Variants in SASH1 observed in about 807,000 individuals in gnomAD.
SASH1 encodes SAM and SH3 domain-containing protein 1.
In SASH1, 44 loss-of-function variants were observed where a neutral mutation model predicts 125.2. The observed-to-expected ratio is 0.35, with a 90% CI of 0.28 to 0.45. SASH1 has a LOEUF of 0.45. Among genes scored for constraint, SASH1 ranks in the 20% least tolerant of loss-of-function variants. The pLI is 1.00. For missense variants in SASH1, 1,426 were observed against 1,614.5 expected, an observed-to-expected ratio of 0.88 and a Z score of 2.00; for synonymous variants, 639 against 649.1, an observed-to-expected ratio of 0.98 and a Z score of 0.24.
chr6:148,393,683 G>T, intron 2 of SASH1: 12 of 984,840 alleles, frequency 1.2e-5, no homozygotes, highest in Non-Finnish European at 1.4e-5. Flanking sequence ...AATTTGGCGT[G>T]CTCTGTTCCA....
At chr6:148,517,237 G>A (rs1487440139) in intron 9 of SASH1, among the ~76,000 whole-genome samples, 2 of 152,196 alleles carry the variant, frequency 1.3e-5, no homozygotes, top group African/African-American at 2.4e-5. Flanking sequence ...GAGGCTCAGA[G>A]CCAGGAAGTA....
chr6:148,343,316 A>G, intron 1 of SASH1, 93 bp downstream of exon 1: 6 of 1,271,378 alleles, frequency 4.7e-6, no homozygotes, highest in Non-Finnish European at 6.6e-6. Flanking sequence ...CCACTGGGCA[A>G]CCCACTCCGC....
chr6:148,373,336 C>T lies in SASH1; in HGVS notation c.157-16798C>T, dbSNP rs538854211. Among the ~76,000 whole-genome samples, 24 of 152,184 alleles carry T rather than the reference C, an allele frequency of 1.6e-4. 1 individual carries two copies. The highest frequency in any genetic ancestry group is 5.8e-4 in the African/African-American group (24 of 41,526). On this transcript the variant is annotated intron_variant, in intron 1 of 19. Coordinates refer to ENST00000367467, the MANE Select transcript of SASH1 (RefSeq NM_015278.5). Reference sequence around the variant, plus strand: ...TAATTGTGGGAAGAGCTGAGCAGGCCGAGAGAGGAGCAAGTTCAAAGGCCT... The same window carrying T: ...TAATTGTGGGAAGAGCTGAGCAGGCTGAGAGAGGAGCAAGTTCAAAGGCCT...
At chr6:148,330,101 TG>T (rs1780947348) in intron 1 of SASH1, among the ~76,000 whole-genome samples, 1 of 152,206 alleles carries the variant, frequency 6.6e-6, no homozygotes, top group South Asian at 2.1e-4. Flanking sequence ...TATCGAACTT[TG>T]CTTTATAATG....
At chr6:148,382,322 C>T (rs766957529) in intron 1 of SASH1, among the ~76,000 whole-genome samples, 3 of 152,146 alleles carry the variant, frequency 2.0e-5, no homozygotes, top group Non-Finnish European at 4.4e-5. Flanking sequence ...GACGGTCTCG[C>T]TCTGTCACCC....
chr6:148,358,060 CAAAAAA>C (rs34729070), intron 1 of SASH1, among the ~76,000 whole-genome samples: 1 of 65,628 alleles, frequency 1.5e-5, no homozygotes, highest in Non-Finnish European at 2.8e-5. Context: ...AACTCCGTCT[CAAAAAA>C]AAAAAAAAAA....
chr6:148,545,774 A>C (rs1016904696), intron 18 of SASH1, among the ~76,000 whole-genome samples: 2 of 152,230 alleles, frequency 1.3e-5, no homozygotes, highest in African/African-American at 4.8e-5. Flanking sequence ...AAATATATTC[A>C]TTTCAAATTC....
chr6:148,301,619 C>T (rs1283094092), intron 1 of SASH1, among the ~76,000 whole-genome samples: 1 of 151,078 alleles, frequency 6.6e-6, no homozygotes, highest in African/African-American at 2.4e-5. Context: ...TGCTCTGTGG[C>T]CCAGGCTGGA....
At chr6:148,286,580 G>A (rs1319858450) in intron 1 of SASH1, among the ~76,000 whole-genome samples, 1 of 152,022 alleles carries the variant, frequency 6.6e-6, no homozygotes, top group African/African-American at 2.4e-5. Context: ...TGGTGTCTCC[G>A]GAGGCCTCTC....
intron 7 of SASH1, among the ~76,000 whole-genome samples, chr6:148,485,525 A>T (rs1029043402): frequency 7.9e-5 from 12 of 152,162 alleles, no homozygotes; most frequent in African/African-American, 2.9e-4. Context: ...CTGCATTATC[A>T]TAGTTAATTC....
chr6:148,411,759 G>T (rs1784640872), intron 2 of SASH1, among the ~76,000 whole-genome samples: 1 of 152,138 alleles, frequency 6.6e-6, no homozygotes, highest in African/African-American at 2.4e-5. Context: ...GTCTGGGCTG[G>T]TCTTGAACTC....
rs1780649360 is a variant in SASH1, at chr6:148,519,235, T to C, written c.863-312T>C. On this transcript the variant is annotated intron_variant, in intron 9 of 19. Coordinates refer to ENST00000367467, the MANE Select transcript of SASH1 (RefSeq NM_015278.5). The surrounding 1 kb of genome is among the most constrained non-coding windows in gnomAD (Gnocchi z 4.8). ...CATTTACAAACTGCAGAGGGCATTATCTCGAAATGCTAAGGCATATTGTGA... is the reference window on the plus strand; with the variant it reads ...CATTTACAAACTGCAGAGGGCATTACCTCGAAATGCTAAGGCATATTGTGA... Among the ~76,000 whole-genome samples the C allele has an allele frequency of 6.6e-6, 1 of 152,194 alleles. No individual in the cohort carries two copies. The highest frequency in any genetic ancestry group is 6.5e-5 in the Admixed American group (1 of 15,286).
At chr6:148,261,408 A>T in the SASH1 span, among the ~76,000 whole-genome samples, 4 of 152,182 alleles carry the variant, frequency 2.6e-5, no homozygotes, top group Non-Finnish European at 4.4e-5. Context: ...CCTATGAGAA[A>T]GGAGAGGTGA....
At position 148,457,581 on chromosome 6, in the gene SASH1, T is replaced by A. The variant is rs189858039; in HGVS notation, c.387-10964T>A. ...AGGCTAGTTTTTTTGAGTGTTTTTG[T>A]GAGACTGAAATACGATGAGATTTAT... On this transcript the variant is annotated intron_variant, in intron 4 of 19. Coordinates refer to ENST00000367467, the MANE Select transcript of SASH1 (RefSeq NM_015278.5). 7.2e-4 allele frequency among the ~76,000 whole-genome samples: 110 copies of A among 152,310 alleles called. 1 individual carries two copies. In the East Asian group the frequency reaches 0.019, roughly 26 times the overall value.
intron 8 of SASH1, among the ~76,000 whole-genome samples, chr6:148,511,241 T>C (rs905266076): frequency 7.9e-5 from 12 of 151,898 alleles, no homozygotes; most frequent in African/African-American, 2.9e-4. Flanking sequence ...TCTCCATCAA[T>C]ATCATGGATG....
rs530444420 is a variant in SASH1, at chr6:148,509,704, A to G, written c.730-4620A>G. Among the ~76,000 whole-genome samples, 3 of 152,376 alleles carry G rather than the reference A, an allele frequency of 2.0e-5. No individual in the cohort carries two copies. In the South Asian group the frequency reaches 6.2e-4, roughly 32 times the overall value. On this transcript the variant is annotated intron_variant, in intron 8 of 19. Transcript: ENST00000367467. ...TGTTTGTTACAGGGTCCGGTGAAGTATCTGTTACCGACCAGCAGTGACAGG... is the reference window on the plus strand; with the variant it reads ...TGTTTGTTACAGGGTCCGGTGAAGTGTCTGTTACCGACCAGCAGTGACAGG...
At chr6:148,215,984 A>G in the SASH1 span, among the ~76,000 whole-genome samples, 1 of 152,084 alleles carries the variant, frequency 6.6e-6, no homozygotes, top group East Asian at 1.9e-4. Flanking sequence ...CAGCCTCCCA[A>G]GTAGCTGGGA....
chr6:148,513,241 C>A lies in SASH1; in HGVS notation c.730-1083C>A, dbSNP rs2110199. On this transcript the variant is annotated intron_variant, in intron 8 of 19. Coordinates refer to ENST00000367467, the MANE Select transcript of SASH1 (RefSeq NM_015278.5). ...TTTTGTTTTGTGTGTTCATTTGAGG[C>A]ATTTATCTTCCTACTGTTCCATGAA... is the stretch of plus-strand genomic sequence containing the variant. The A allele has an allele frequency of 5.9e-3, 5,830 of 985,302 alleles. 273 individuals are homozygous for A. The African/African-American group carries it at 0.095, about 16-fold the overall frequency. The allele number at this position is 985,302 out of a possible 1,614,324, so 61.0% of individuals were successfully genotyped here.
At chr6:148,351,207 T>C (rs2114665634) in intron 1 of SASH1, among the ~76,000 whole-genome samples, 1 of 151,446 alleles carries the variant, frequency 6.6e-6, no homozygotes, top group East Asian at 1.9e-4. Flanking sequence ...TTTTTTTTTT[T>C]TTTTTTTCTG....
Sources: gnomAD v4.1 joint callset for allele counts (sites outside exome capture counted in the v4.1 genomes callset) on GRCh38, gnomAD v4.1.1 for gene constraint, Gnocchi (gnomAD v3.1) non-coding constraint, MANE v1.5 for transcripts, NCBI Gene and HGNC (gene_info 2026-07-23, HGNC 2026-07-21) for gene names.